The following EED variants were observed in gnomAD, a reference collection of about 807,000 sequenced individuals.
EED encodes embryonic ectoderm development.
A neutral mutation model predicts 61.0 loss-of-function variants in EED; 9 were observed. The ratio of observed to expected loss-of-function variants is 0.15; its 90% CI spans 0.09 to 0.26. The LOEUF is 0.26. EED is among the 10% of genes least tolerant of loss of function. The probability of loss-of-function intolerance (pLI) is 1.00; values close to 1 mark genes in which losing one functional copy is unlikely to be tolerated. For missense variants in EED, 315 were observed against 542.3 expected (o/e 0.58, Z 4.16); for synonymous variants, 187 against 174.4 (o/e 1.07, Z -0.57).
chr11:86,264,197 C>T lies in EED; in HGVS notation c.660C>T (p.Ile220=). 1 of 1,613,740 alleles carries T rather than the reference C, an allele frequency of 6.2e-7. No homozygotes were observed. The highest frequency in any genetic ancestry group is 8.5e-7 in the Non-Finnish European group (1 of 1,179,828). The part of the protein sequence containing the change: ...SKDHALRLWN[I]QTDTLVAIFG... ...ATCATGCTTTACGATTATGGAATATCCAGACGGACACTCTGGTGGCAATAT... is the reference window on the plus strand; with the variant it reads ...ATCATGCTTTACGATTATGGAATATTCAGACGGACACTCTGGTGGCAATAT... The change falls in exon 7 of 12, where the codon ATC becomes ATT. Residue 220 remains isoleucine, a synonymous_variant. Transcript: ENST00000263360.
chr11:86,277,289 A>T (rs1946255079), intron 10 of EED, 151 bp downstream of exon 10: 4 of 658,624 alleles, frequency 6.1e-6, no homozygotes, highest in Non-Finnish European at 9.3e-6. Context: ...TCATTCATCA[A>T]ATACTTTGGT....
At chr11:86,270,661 A>G (rs1214407945) in intron 9 of EED, among the ~76,000 whole-genome samples, 2 of 152,200 alleles carry the variant, frequency 1.3e-5, no homozygotes, top group Non-Finnish European at 2.9e-5. Flanking sequence ...TATGTTTTAC[A>G]TTAAATGTGT....
In EED at chr11:86,244,953, G is replaced by GT; in HGVS notation, c.-277_-276insT. 2.6e-6 allele frequency: 1 copy of GT among 381,284 alleles called. No homozygotes were observed. Among genetic ancestry groups the GT allele is most frequent in the Non-Finnish European group, 4.7e-6 (1 of 211,598 alleles). The allele number at this position is 381,284 out of a possible 1,614,324, so 23.6% of individuals were successfully genotyped here. On this transcript the variant is annotated 5_prime_UTR_variant, in exon 1 of 12. Coordinates refer to ENST00000263360, the MANE Select transcript of EED (RefSeq NM_003797.5). ...GGACCTTACATCGTGTAGACTGCCGGGAGGGCGGCGGGAAAAGGGCAAGAC... is the reference window on the plus strand; with the variant it reads ...GGACCTTACATCGTGTAGACTGCCGGTGAGGGCGGCGGGAAAAGGGCAAGAC...
chr11:86,245,202 G>A lies in EED; in HGVS notation c.-28G>A, dbSNP rs769007135. 1.3e-6 allele frequency: 2 copies of A among 1,592,240 alleles called. No individual in the cohort carries two copies. The highest frequency in any genetic ancestry group is 1.7e-6 in the Non-Finnish European group (2 of 1,164,974). On this transcript the variant is annotated 5_prime_UTR_variant, in exon 1 of 12. Transcript: ENST00000263360. ...TGTGGCGGAGGCCCCGCCCCAGGCG[G>A]CAGGAACCTGGAGGGAGGCGGAGGA...
the EED span, among the ~76,000 whole-genome samples, chr11:86,286,229 C>T: frequency 5.3e-5 from 8 of 150,732 alleles, no homozygotes; most frequent in South Asian, 4.2e-4. Context: ...TTAGTAGAGA[C>T]GGGGTTTCGC....
intron 3 of EED, among the ~76,000 whole-genome samples, chr11:86,253,780 G>A (rs1380781651): frequency 1.3e-5 from 2 of 152,078 alleles, no homozygotes; most frequent in Non-Finnish European, 2.9e-5. Context: ...GGGCACAGTG[G>A]CTCACGCCTG....
At chr11:86,261,859 C>T (rs1426528069) in intron 6 of EED, among the ~76,000 whole-genome samples, 3 of 152,126 alleles carry the variant, frequency 2.0e-5, no homozygotes, top group Non-Finnish European at 4.4e-5. Context: ...ATGTAGAGGT[C>T]CCATGGGTGC....
chr11:86,245,934 G>A (rs1945380898), intron 1 of EED, among the ~76,000 whole-genome samples: 1 of 152,128 alleles, frequency 6.6e-6, no homozygotes. Context: ...TTGATTTGGG[G>A]GTGGGGAGTG....
Position 86,251,024 on chromosome 11 carries a change from G to A in EED, c.267+576G>A, listed in dbSNP as rs538493327. The stretch of plus-strand genomic sequence containing the variant: ...ATTTACTTTATAAAAGGGGTTACTG[G>A]TGTTTAAGATATTTTCTTTTATATA... On this transcript the variant is annotated intron_variant, in intron 2 of 11. Transcript: ENST00000263360. Among the ~76,000 whole-genome samples, 4 of 152,132 alleles carry A rather than the reference G, an allele frequency of 2.6e-5. 1 individual carries two copies. Among genetic ancestry groups the A allele is most frequent in the African/African-American group, 9.6e-5 (4 of 41,544 alleles).
intron 1 of EED, among the ~76,000 whole-genome samples, chr11:86,249,117 G>A (rs967358853): frequency 2.6e-5 from 4 of 152,120 alleles, no homozygotes; most frequent in South Asian, 2.1e-4. Context: ...TGTTTTCTAC[G>A]TTTGATGTTA....
chr11:86,286,230 G>A, the EED span, among the ~76,000 whole-genome samples: 3 of 150,774 alleles, frequency 2.0e-5, no homozygotes, highest in Non-Finnish European at 4.4e-5. Flanking sequence ...TAGTAGAGAC[G>A]GGGTTTCGCC....
At chr11:86,264,588 T>C (rs1391952380) in intron 7 of EED, 2 of 196,158 alleles carry the variant, frequency 1.0e-5, no homozygotes, top group Non-Finnish European at 2.1e-5. Flanking sequence ...AAGAAAAAAA[T>C]TAAACTATGT....
At position 86,255,202 on chromosome 11, in the gene EED, T is replaced by C. The variant is rs758499450; in HGVS notation, c.361-20T>C. The C allele has an allele frequency of 6.3e-7, 1 of 1,581,942 alleles. No individual in the cohort carries two copies. Among genetic ancestry groups the C allele is most frequent in the South Asian group, 1.1e-5 (1 of 88,104 alleles). On this transcript the variant is annotated intron_variant, in intron 3 of 11. Coordinates refer to ENST00000263360, the MANE Select transcript of EED (RefSeq NM_003797.5). ...TTTCTATACTTGAGATGAAATTTAC[T>C]GTATTTTTATTTTCATTAGGTTACC...
intron 6 of EED, among the ~76,000 whole-genome samples, chr11:86,259,619 A>G (rs1945776627): frequency 6.6e-6 from 1 of 152,210 alleles, no homozygotes; most frequent in South Asian, 2.1e-4. Context: ...TTCCCAGCTA[A>G]TAAGGGACGT....
chr11:86,257,734 T>C, intron 6 of EED, 138 bp downstream of exon 6: 1 of 637,952 alleles, frequency 1.6e-6, no homozygotes, highest in Non-Finnish European at 2.5e-6. Flanking sequence ...TAATAAAAAC[T>C]CACAAAAAAA....
At chr11:86,250,707 G>T (rs1174455707) in intron 2 of EED, among the ~76,000 whole-genome samples, 1 of 151,488 alleles carries the variant, frequency 6.6e-6, no homozygotes, top group South Asian at 2.1e-4. Flanking sequence ...TTTATTGTTT[G>T]CATTCAAATT....
rs1370238538 is a variant in EED at position 86,272,757 on chromosome 11, A to G, written c.966+4196A>G. 3.3e-5 allele frequency among the ~76,000 whole-genome samples: 5 copies of G among 152,160 alleles called. No individual in the cohort carries two copies. The East Asian group carries it at 9.6e-4, about 29-fold the overall frequency. ...TTCAAACTTTTAATCTATGTATATT[A>G]TAATTGAGTAAGTTTCTTGTAGATG... On this transcript the variant is annotated intron_variant, in intron 9 of 11. Coordinates refer to ENST00000263360, the MANE Select transcript of EED (RefSeq NM_003797.5).
chr11:86,282,601 G>A (rs1482464075), downstream of EED, among the ~76,000 whole-genome samples: 2 of 152,058 alleles, frequency 1.3e-5, no homozygotes, highest in Non-Finnish European at 2.9e-5. Flanking sequence ...TATTAAGTTT[G>A]TACCAAATTA....
the EED span, among the ~76,000 whole-genome samples, chr11:86,285,293 A>G: frequency 6.6e-6 from 1 of 150,738 alleles, no homozygotes; most frequent in Non-Finnish European, 1.5e-5. Context: ...AGTAGTGTGC[A>G]CCTGTAGTCC....
Sources: allele counts gnomAD v4.1 joint callset (sites outside exome capture counted in the v4.1 genomes callset), GRCh38; gene constraint gnomAD v4.1.1; transcripts MANE v1.5; gene names NCBI Gene and HGNC (gene_info 2026-07-23, HGNC 2026-07-21).